The following PRR16 variants were observed in gnomAD, a reference collection of about 807,000 sequenced individuals.
The protein encoded by PRR16 is protein Largen.
Under a neutral mutation model 18.2 loss-of-function variants are expected in PRR16, and 6 were observed. The ratio of observed to expected loss-of-function variants is 0.33; its 90% confidence interval spans 0.18 to 0.65. The LOEUF is 0.65. Among genes scored for constraint, PRR16 ranks in the 30% least tolerant of loss-of-function variants. The pLI is 0.74. For synonymous variants in PRR16, 151 were observed against 147.8 expected, an observed-to-expected ratio of 1.02 and a Z score of -0.16; for missense variants, 412 against 376.6, an observed-to-expected ratio of 1.09 and a Z score of -0.78.
At chr5:120,628,333 A>G (rs914812053) in intron 1 of PRR16, among the ~76,000 whole-genome samples, 2 of 152,080 alleles carry the variant, frequency 1.3e-5, no homozygotes, top group Non-Finnish European at 2.9e-5. Flanking sequence ...TTTTTTAGAT[A>G]TAAGTGAGAC....
In PRR16 at chr5:120,686,233, G is replaced by A; in HGVS notation, c.439G>A (p.Val147Ile). The A allele has an allele frequency of 4.3e-6, 7 of 1,614,080 alleles. No individual in the cohort carries two copies. The highest frequency in any genetic ancestry group is 5.9e-6 in the Non-Finnish European group (7 of 1,180,018). ...PKRVVPTANP[V>I]KTNGTLLRNG... ...AAGGGTGGTTCCAACTGCCAATCCT[G>A]TAAAAACCAATGGCACCCTTCTACG... is the stretch of plus-strand genomic sequence containing the variant. The change falls in exon 2 of 2, where the codon GTA becomes ATA. Residue 147 changes from valine (V) to isoleucine (I), a missense_variant. Physicochemically the swap from Val to Ile is conservative, Grantham distance 29 (BLOSUM62 3). Coordinates refer to ENST00000407149, the MANE Select transcript of PRR16 (RefSeq NM_001300783.2).
At chr5:120,522,888 T>C (rs994658727) in intron 1 of PRR16, among the ~76,000 whole-genome samples, 8 of 152,194 alleles carry the variant, frequency 5.3e-5, no homozygotes, top group African/African-American at 1.4e-4. Flanking sequence ...AATGCTGGGA[T>C]TACGGGCATG....
chr5:120,764,530 C>A, the PRR16 span, among the ~76,000 whole-genome samples: 21,826 of 151,712 alleles, frequency 0.14, 2,296 homozygotes, highest in African/African-American at 0.3. Flanking sequence ...CTGTGTGTTC[C>A]TGTCCTTTTC....
At chr5:120,656,461 C>A (rs1447696777) in intron 1 of PRR16, among the ~76,000 whole-genome samples, 2 of 124,196 alleles carry the variant, frequency 1.6e-5, no homozygotes, top group African/African-American at 3.0e-5. Flanking sequence ...CAGTAGTAAT[C>A]ACTCTCAAAA....
chr5:120,648,487 G>T (rs1002950306), intron 1 of PRR16, among the ~76,000 whole-genome samples: 11 of 152,170 alleles, frequency 7.2e-5, no homozygotes, highest in African/African-American at 2.2e-4. Flanking sequence ...GTTAAGCTCA[G>T]TATAGAAGCT....
chr5:120,545,161 C>T (rs1752036065), intron 1 of PRR16, among the ~76,000 whole-genome samples: 1 of 151,960 alleles, frequency 6.6e-6, no homozygotes, highest in Non-Finnish European at 1.5e-5. Context: ...TTTTTAATTG[C>T]CTACAGATGG....
the PRR16 span, among the ~76,000 whole-genome samples, chr5:120,768,822 C>G: frequency 6.6e-6 from 1 of 151,670 alleles, no homozygotes; most frequent in Non-Finnish European, 1.5e-5. Flanking sequence ...TGATTCCTTT[C>G]CCCGCTTAGA....
At chr5:120,486,872 C>T (rs1306101488) in intron 1 of PRR16, among the ~76,000 whole-genome samples, 2 of 152,188 alleles carry the variant, frequency 1.3e-5, no homozygotes, top group African/African-American at 4.8e-5. Context: ...TATGGCTAGC[C>T]AGTTTTCCCA....
At chr5:120,651,012 T>C (rs991833885) in intron 1 of PRR16, among the ~76,000 whole-genome samples, 34 of 152,196 alleles carry the variant, frequency 2.2e-4, no homozygotes, top group African/African-American at 8.0e-4. Context: ...TTTTGAATGA[T>C]CGCCATTCTA....
chr5:120,697,310 A>C, the PRR16 span, among the ~76,000 whole-genome samples: 5 of 152,198 alleles, frequency 3.3e-5, no homozygotes, highest in African/African-American at 1.2e-4. Context: ...CACTATGGTG[A>C]TGTAGATGGG....
chr5:120,682,753 T>G (rs1017666131), intron 1 of PRR16, among the ~76,000 whole-genome samples: 1 of 152,226 alleles, frequency 6.6e-6, no homozygotes. Flanking sequence ...TGGTCATTTA[T>G]GGATAAATTC....
Position 120,503,827 on chromosome 5 carries a change from C to A in PRR16, c.159+39182C>A, listed in dbSNP as rs188360506. ...ACAACAGTCCCCAGAGTGTGATGTT[C>A]CCCTTCCTGTGTCCATGTGTTCTCG... On this transcript the variant is annotated intron_variant, in intron 1 of 1. Coordinates refer to ENST00000407149, the MANE Select transcript of PRR16 (RefSeq NM_001300783.2). Among the ~76,000 whole-genome samples the A allele has an allele frequency of 1.6e-3, 238 of 144,932 alleles. 3 individuals are homozygous for A. The East Asian group carries it at 0.029, about 18-fold the overall frequency.
the PRR16 span, chr5:120,781,597 A>AC: frequency 6.6e-6 from 1 of 152,154 alleles, no homozygotes; most frequent in South Asian, 2.1e-4. Flanking sequence ...GGTCAGGGAC[A>AC]CCTTCCTGCT....
rs140933997 is a variant in PRR16 at position 120,503,435 on chromosome 5, A to T, written c.159+38790A>T. Among the ~76,000 whole-genome samples, 399 of 152,296 alleles carry T rather than the reference A, an allele frequency of 2.6e-3. 1 individual carries two copies. Among genetic ancestry groups the T allele is most frequent in the Non-Finnish European group, 3.8e-3 (258 of 68,020 alleles). Reference sequence around the variant, plus strand: ...TGTGAATGCCCTAATAGAAATAATAATAGACTCAGAGTTATTGCAGGGAAA... The same window carrying T: ...TGTGAATGCCCTAATAGAAATAATATTAGACTCAGAGTTATTGCAGGGAAA... On this transcript the variant is annotated intron_variant, in intron 1 of 1. Coordinates refer to ENST00000407149, the MANE Select transcript of PRR16 (RefSeq NM_001300783.2).
intron 1 of PRR16, among the ~76,000 whole-genome samples, chr5:120,547,301 G>T (rs1253150112): frequency 1.3e-5 from 2 of 152,036 alleles, no homozygotes; most frequent in East Asian, 3.9e-4. Context: ...TTCCAAGGCT[G>T]GCAAAATACT....
At chr5:120,761,123 TA>T in the PRR16 span, among the ~76,000 whole-genome samples, 2 of 151,972 alleles carry the variant, frequency 1.3e-5, no homozygotes, top group Admixed American at 1.3e-4. Context: ...TATTTTATAT[TA>T]AAAATCAAGA....
At position 120,464,332 on chromosome 5, in the gene PRR16, G is replaced by C; in HGVS notation, c.-155G>C. The C allele has an allele frequency of 1.3e-6, 1 of 772,716 alleles. No homozygotes were observed. 47.9% of individuals were successfully genotyped at this position (772,716 alleles called of 1,614,324 possible). A position where few individuals can be genotyped will look rare whatever the true frequency, so the allele number is the denominator to read the frequency against. On this transcript the variant is annotated 5_prime_UTR_variant, in exon 1 of 2. Coordinates refer to ENST00000407149, the MANE Select transcript of PRR16 (RefSeq NM_001300783.2). ...GGCAGCACCACTGTGCGGCCGCCCGGCCGAGCGCGGAGCGCAGCCACTCGC... is the reference window on the plus strand; with the variant it reads ...GGCAGCACCACTGTGCGGCCGCCCGCCCGAGCGCGGAGCGCAGCCACTCGC...
At chr5:120,613,728 G>A (rs947661519) in intron 1 of PRR16, among the ~76,000 whole-genome samples, 5 of 152,138 alleles carry the variant, frequency 3.3e-5, no homozygotes, top group South Asian at 2.1e-4. Flanking sequence ...CTAACACATC[G>A]TTTAGATGAT....
At chr5:120,591,244 A>ACT (rs1219729605) in intron 1 of PRR16, among the ~76,000 whole-genome samples, 1 of 152,050 alleles carries the variant, frequency 6.6e-6, no homozygotes, top group African/African-American at 2.4e-5. Context: ...GTGCCACTGC[A>ACT]CTCCAGCCTG....
Sources: allele counts gnomAD v4.1 joint callset (sites outside exome capture counted in the v4.1 genomes callset), GRCh38; gene constraint gnomAD v4.1.1; transcripts MANE v1.5; gene names NCBI Gene and HGNC (gene_info 2026-07-23, HGNC 2026-07-21).